LCORL: variants seen among roughly 807,000 people sequenced by gnomAD.
LCORL encodes the protein ligand-dependent nuclear receptor corepressor-like protein.
LCORL carries 41 observed loss-of-function variants against 141.8 expected under a neutral mutation model. The ratio of observed to expected loss-of-function variants is 0.29; its 90% CI spans 0.23 to 0.38. The LOEUF is 0.38. LCORL is among the 10% of genes least tolerant of loss of function. LCORL has a pLI of 1.00. For synonymous variants in LCORL, 618 were observed against 694.1 expected (o/e 0.89, Z 1.72); for missense variants, 1,759 against 2,035.0 (o/e 0.86, Z 2.61).
At chr4:17,976,340 C>T (rs1174002492) in intron 1 of LCORL, among the ~76,000 whole-genome samples, 1 of 152,134 alleles carries the variant, frequency 6.6e-6, no homozygotes, top group African/African-American at 2.4e-5. Context: ...CCCCATTCTC[C>T]ACTCCACAAC....
chr4:17,866,129 A>T (rs1725618103), intron 7 of LCORL, among the ~76,000 whole-genome samples: 2 of 152,084 alleles, frequency 1.3e-5, no homozygotes, highest in Non-Finnish European at 2.9e-5. Context: ...ACTGGCCATG[A>T]CTTACACCTC....
At chr4:17,896,975 T>C (rs915490221) in intron 5 of LCORL, among the ~76,000 whole-genome samples, 2 of 152,118 alleles carry the variant, frequency 1.3e-5, no homozygotes, top group African/African-American at 2.4e-5. Flanking sequence ...CATGAAAAGT[T>C]TGTCCTTCTG....
At chr4:17,898,204 C>G (rs955326971) in intron 5 of LCORL, among the ~76,000 whole-genome samples, 1 of 151,788 alleles carries the variant, frequency 6.6e-6, no homozygotes, top group African/African-American at 2.4e-5. Flanking sequence ...TTTTTTTGCC[C>G]TTGGAATATA....
rs1314757441 is a variant in LCORL, at chr4:18,021,721, C to T, written c.31G>A (p.Ala11Thr). 5 of 1,526,162 alleles carry T rather than the reference C, an allele frequency of 3.3e-6. No individual in the cohort carries two copies. The highest frequency in any genetic ancestry group is 1.2e-5 in the South Asian group (1 of 81,164). 94.5% of individuals were successfully genotyped at this position (1,526,162 alleles called of 1,614,324 possible). Residue 11 changes from alanine to threonine, a missense_variant, in exon 1 of 8, where the codon GCC becomes ACC. By Grantham distance (58) the Ala-to-Thr change is moderately conservative (BLOSUM62 0). Around this residue, in one of 5 missense-constraint regions of LCORL, gnomAD observed 86 missense variants for 61.8 expected, o/e 1.39. Transcript: ENST00000635767. This position sits in a 1 kb window ranked among gnomAD's most constrained non-coding sequence, Gnocchi z 5.5. ...GCGGCGGCGGCAGCAGCGGCGGCGG[C>T]AGCGGCCATTCTCTCTCTTCCCTTG... is the stretch of plus-strand genomic sequence containing the variant.
rs551892469 is a variant in LCORL, at chr4:17,882,861, C to T, written c.776+3207G>A. 106 of 981,942 alleles carry T rather than the reference C, an allele frequency of 1.1e-4. 1 individual carries two copies. In the South Asian group the frequency reaches 4.0e-3, roughly 37 times the overall value. 60.8% of individuals were successfully genotyped at this position (981,942 alleles called of 1,614,324 possible). The stretch of plus-strand genomic sequence containing the variant: ...TTTTTCTGTGCACATTATAAACATG[C>T]TCTAAGTTGCATTCCAACTTTCTTT... On this transcript the variant is annotated intron_variant, in intron 6 of 7. Coordinates refer to ENST00000635767, the Ensembl canonical transcript of LCORL.
intron 5 of LCORL, among the ~76,000 whole-genome samples, chr4:17,890,822 T>C (rs1455070695): frequency 6.9e-6 from 1 of 144,056 alleles, no homozygotes; most frequent in Non-Finnish European, 1.5e-5. Context: ...ACTGACACTT[T>C]ATTGGGTTTT....
intron 2 of LCORL, among the ~76,000 whole-genome samples, chr4:17,971,909 C>G (rs1214073795): frequency 6.6e-6 from 1 of 151,078 alleles, no homozygotes; most frequent in Non-Finnish European, 1.5e-5. Context: ...TTAGTAATAT[C>G]CCTTGGATAT....
chr4:17,959,671 T>C (rs935524039), intron 4 of LCORL, among the ~76,000 whole-genome samples: 4 of 152,044 alleles, frequency 2.6e-5, no homozygotes, highest in East Asian at 1.9e-4. Flanking sequence ...ATAAGGATAT[T>C]AGAAGATTTC....
chr4:17,968,425 C>T lies in LCORL; in HGVS notation c.220+4395G>A, dbSNP rs1332120286. 2.0e-5 allele frequency among the ~76,000 whole-genome samples: 3 copies of T among 152,106 alleles called. No individual in the cohort carries two copies. In the East Asian group the frequency reaches 5.8e-4, roughly 29 times the overall value. On this transcript the variant is annotated intron_variant, in intron 2 of 7. Transcript: ENST00000635767. ...ATAAGAAGAGAACTTACTTATGCAC[C>T]TTTTATTCCTTATTGCTAATCACAG...
At chr4:17,906,377 C>T (rs1275109854) in intron 5 of LCORL, among the ~76,000 whole-genome samples, 2 of 152,146 alleles carry the variant, frequency 1.3e-5, no homozygotes, top group Middle Eastern at 3.2e-3. Flanking sequence ...TCTACCATCA[C>T]TCTTCCCCGT....
chr4:17,938,908 G>A (rs1737346479), intron 4 of LCORL, among the ~76,000 whole-genome samples: 1 of 151,916 alleles, frequency 6.6e-6, no homozygotes, highest in East Asian at 1.9e-4. Context: ...CCCTAGGGAG[G>A]GCATCAGAAC....
intron 1 of LCORL, among the ~76,000 whole-genome samples, chr4:17,987,629 C>G (rs1259444030): frequency 1.3e-5 from 2 of 152,072 alleles, no homozygotes; most frequent in African/African-American, 4.8e-5. Flanking sequence ...AACTGCTTCC[C>G]AAAGTGGCTT....
intron 5 of LCORL, among the ~76,000 whole-genome samples, chr4:17,904,720 G>A (rs1446222410): frequency 1.3e-5 from 2 of 151,984 alleles, no homozygotes; most frequent in Non-Finnish European, 2.9e-5. Flanking sequence ...GGAGCTTCTG[G>A]GCTTACTGAT....
chr4:17,870,731 A>C (rs970626961), intron 7 of LCORL, among the ~76,000 whole-genome samples: 2 of 152,174 alleles, frequency 1.3e-5, no homozygotes, highest in African/African-American at 4.8e-5. Context: ...ATGGAAAGGA[A>C]CTATTTGAAC....
intron 1 of LCORL, among the ~76,000 whole-genome samples, chr4:17,984,464 C>A (rs1718588673): frequency 6.6e-6 from 1 of 152,062 alleles, no homozygotes; most frequent in Non-Finnish European, 1.5e-5. Context: ...TTGGTCTCTT[C>A]ACGGAATCAA....
At chr4:17,981,337 G>A (rs1456181358) in intron 1 of LCORL, among the ~76,000 whole-genome samples, 1 of 151,980 alleles carries the variant, frequency 6.6e-6, no homozygotes, top group Admixed American at 6.6e-5. Flanking sequence ...AGTTCCTATT[G>A]TCCCCAAATG....
At chr4:18,006,692 C>G (rs1274513205) in intron 1 of LCORL, among the ~76,000 whole-genome samples, 2 of 152,086 alleles carry the variant, frequency 1.3e-5, no homozygotes, top group Non-Finnish European at 2.9e-5. Context: ...CATCAGATCT[C>G]ATGAGACTCA....
chr4:17,984,137 T>G (rs1416641593), intron 1 of LCORL, among the ~76,000 whole-genome samples: 1 of 152,152 alleles, frequency 6.6e-6, no homozygotes, highest in Non-Finnish European at 1.5e-5. Flanking sequence ...AGTGGTGTAT[T>G]AGCTTTTTGA....
In LCORL at chr4:17,903,911, G is replaced by C. The variant is rs1731241744; in HGVS notation, c.682+5183C>G. Among the ~76,000 whole-genome samples the C allele has an allele frequency of 2.0e-5, 3 of 151,974 alleles. No individual in the cohort carries two copies. The East Asian group carries it at 5.8e-4, about 29-fold the overall frequency. ...CATTTACAGCATTACTATGTCAAAG[G>C]ACTAGAGTTTCTCATATTGTTGCAG... On this transcript the variant is annotated intron_variant, in intron 5 of 7. Transcript: ENST00000635767.
Sources: gnomAD v4.1 joint callset for allele counts (sites outside exome capture counted in the v4.1 genomes callset) on GRCh38, gnomAD v4.1.1 for gene constraint, gnomAD v4.1.1 regional missense constraint, Gnocchi (gnomAD v3.1) non-coding constraint, MANE v1.5 for transcripts, NCBI Gene and HGNC (gene_info 2026-07-23, HGNC 2026-07-21) for gene names.